Variants in STRN4 observed in about 807,000 individuals in gnomAD.
The protein encoded by STRN4 is striatin 4, also known as striatin-4.
In STRN4, 27 loss-of-function variants were observed where a neutral mutation model predicts 77.9. The observed-to-expected ratio is 0.35, with a 90% CI of 0.26 to 0.48. The LOEUF is 0.48. Ranked by LOEUF, STRN4 falls within the 20% of genes least tolerant of loss-of-function variation. STRN4 has a pLI of 0.99. For synonymous variants in STRN4, 466 were observed against 443.1 expected (o/e 1.05, Z -0.65); for missense variants, 798 against 1,049.7 (o/e 0.76, Z 3.31).
intron 11 of STRN4, 45 bp downstream of exon 11, chr19:46,725,287 T>G (rs1344871844): frequency 1.2e-5 from 20 of 1,613,466 alleles, no homozygotes; most frequent in Non-Finnish European, 1.7e-5. Flanking sequence ...GGAGTCAGGC[T>G]GCATTTAGGA....
At chr19:46,729,047 A>T (rs1413016592) in intron 6 of STRN4, among the ~76,000 whole-genome samples, 1 of 152,218 alleles carries the variant, frequency 6.6e-6, no homozygotes, top group Non-Finnish European at 1.5e-5. Context: ...GCCTCGGATG[A>T]AGAAAAGTCA....
chr19:46,730,055 G>A (rs2122288501), intron 6 of STRN4, among the ~76,000 whole-genome samples: 1 of 152,352 alleles, frequency 6.6e-6, no homozygotes, highest in African/African-American at 2.4e-5. Flanking sequence ...GATTCCTGAT[G>A]GAATGGGTGG....
At chr19:46,742,641 C>A (rs2054494320) in intron 1 of STRN4, among the ~76,000 whole-genome samples, 1 of 152,094 alleles carries the variant, frequency 6.6e-6, no homozygotes, top group Admixed American at 6.6e-5. Flanking sequence ...CGGCTCACTG[C>A]AACTTCTGCT....
intron 5 of STRN4, chr19:46,732,785 G>C: frequency 4.1e-6 from 2 of 488,394 alleles, no homozygotes; most frequent in Non-Finnish European, 7.3e-6. Context: ...CCGAGAAGCG[G>C]GCAGGCCTGA....
chr19:46,724,734 G>A (rs1434314928), intron 12 of STRN4, 73 bp downstream of exon 12: 14 of 1,603,848 alleles, frequency 8.7e-6, no homozygotes, highest in Non-Finnish European at 1.2e-5. Flanking sequence ...AGGTGGACGC[G>A]ACGTGTGTGT....
intron 1 of STRN4, among the ~76,000 whole-genome samples, chr19:46,742,830 G>C (rs2054498105): frequency 6.6e-6 from 1 of 152,160 alleles, no homozygotes; most frequent in South Asian, 2.1e-4. Flanking sequence ...CAAAGTGCTG[G>C]GATTACAGGC....
chr19:46,735,888 C>T (rs1037430422), intron 4 of STRN4, among the ~76,000 whole-genome samples: 2 of 151,398 alleles, frequency 1.3e-5, no homozygotes, highest in African/African-American at 4.9e-5. Context: ...CGCTTGAACC[C>T]GGGAGGCAGA....
At chr19:46,722,773 T>G in intron 14 of STRN4, 37 bp downstream of exon 14, 1 of 1,609,886 alleles carries the variant, frequency 6.2e-7, no homozygotes, top group Middle Eastern at 1.7e-4. Context: ...CAGAAGACAC[T>G]GAGACCAATT....
In STRN4 at chr19:46,746,393, G is replaced by A; in HGVS notation, c.38C>T (p.Ala13Val). The A allele has an allele frequency of 1.8e-6, 2 of 1,085,510 alleles. No homozygotes were observed. Among genetic ancestry groups the A allele is most frequent in the African/African-American group, 3.4e-5 (2 of 59,214 alleles). The allele number at this position is 1,085,510 out of a possible 1,614,324, so 67.2% of individuals were successfully genotyped here. A position where few individuals can be genotyped will look rare whatever the true frequency, so the allele number is the denominator to read the frequency against. The change falls in exon 1 of 18, where the codon GCC becomes GTC. Residue 13 changes from alanine to valine, a missense_variant. Around this residue, in one of 2 missense-constraint regions of STRN4, gnomAD observed 511 missense variants for 575.9 expected, o/e 0.89. Transcript: ENST00000263280. ...EERAAAAVAA[A>V]ASSCRPLGSG... ...GCCGAGCGGACGGCAGGAGGAGGCG[G>A]CGGCGGCGACCGCGGCGGCCGCTCG...
intron 9 of STRN4, chr19:46,726,323 C>G (rs2054112663): frequency 6.6e-6 from 1 of 152,280 alleles, no homozygotes; most frequent in Non-Finnish European, 1.5e-5. Flanking sequence ...TCCTGCCACC[C>G]CTGAGAGGCT....
rs570784765 is a variant in STRN4, at chr19:46,722,906, C to T, written c.1810G>A (p.Ala604Thr). The T allele has an allele frequency of 1.9e-6, 3 of 1,614,006 alleles. No homozygotes were observed. The highest frequency in any genetic ancestry group is 2.5e-6 in the Non-Finnish European group (3 of 1,180,032). Residue 604 changes from alanine (A) to threonine (T), a missense_variant, in exon 14 of 18, where the codon GCC becomes ACC. Ala to Thr is a moderately conservative substitution (Grantham distance 58, BLOSUM62 0). Transcript: ENST00000263280. ...GAGCGGAAGGAGGCCACGATGTGGG[C>T]AGGCTCGGTGCTGGTGAAGGCCACT... ...TSVAFTSTEP[A>T]HIVASFRSGD...
chr19:46,732,296 C>T (rs1568399071), intron 5 of STRN4: 1 of 152,570 alleles, frequency 6.6e-6, no homozygotes, highest in Non-Finnish European at 1.5e-5. Flanking sequence ...ATTATGTCAC[C>T]CCGCTGCTCG....
intron 9 of STRN4, among the ~76,000 whole-genome samples, chr19:46,726,483 CAAAAA>C (rs35238185): frequency 2.2e-5 from 3 of 134,272 alleles, no homozygotes; most frequent in Non-Finnish European, 4.8e-5. Context: ...CCTCAAGGAG[CAAAAA>C]AAAAAAAAAA....
intron 5 of STRN4, 25 bp from the exon 6 acceptor site, chr19:46,730,898 A>T: frequency 6.2e-7 from 1 of 1,607,546 alleles, no homozygotes; most frequent in Admixed American, 1.7e-5. Flanking sequence ...AGAGCAGAGG[A>T]GGCATGAGTC....
Position 46,723,354 on chromosome 19 carries a change from C to G in STRN4, c.1595-70G>C. ...GCTCCTCCCTGGACAGCCCAGAGCC[C>G]CAGCTCTGCCAAGCCCCAGGCAGCT... is the stretch of plus-strand genomic sequence containing the variant. On this transcript the variant is annotated intron_variant, in intron 12 of 17. Transcript: ENST00000263280. The surrounding 1 kb of genome is among the most constrained non-coding windows in gnomAD (Gnocchi z 5.5). The G allele has an allele frequency of 6.8e-7, 1 of 1,465,510 alleles. No individual in the cohort carries two copies. The allele number at this position is 1,465,510 out of a possible 1,614,324, so 90.8% of individuals were successfully genotyped here. A position where few individuals can be genotyped will look rare whatever the true frequency, so the allele number is the denominator to read the frequency against.
At chr19:46,734,622 A>G (rs1329981888) in intron 4 of STRN4, among the ~76,000 whole-genome samples, 5 of 152,212 alleles carry the variant, frequency 3.3e-5, no homozygotes, top group Non-Finnish European at 7.4e-5. Flanking sequence ...GAGGTCTTCA[A>G]AGTGATGCAA....
At chr19:46,725,882 G>C in intron 9 of STRN4, 1 of 567,896 alleles carries the variant, frequency 1.8e-6, no homozygotes, top group South Asian at 2.2e-5. Context: ...AGGTGAGCCT[G>C]ACCCCTTGGG....
At chr19:46,722,380 A>G (rs1253483118) in intron 14 of STRN4, 40 bp from the exon 15 acceptor site, 1 of 1,592,964 alleles carries the variant, frequency 6.3e-7, no homozygotes, top group Non-Finnish European at 8.6e-7. Context: ...TGTCAAGCAG[A>G]AAATCAGGAA....
At position 46,738,920 on chromosome 19, in the gene STRN4, A is replaced by G. The variant is rs762456668; in HGVS notation, c.283-32T>C. ...GGGCAGACAGGAGGCAAAGGGAGAT[A>G]ATGGGGCTCAGGCTCAATGCCGGTG... On this transcript the variant is annotated intron_variant, in intron 1 of 17. Transcript: ENST00000263280. This position sits in a 1 kb window ranked among gnomAD's most constrained non-coding sequence, Gnocchi z 4.5. 1.3e-6 allele frequency: 2 copies of G among 1,588,542 alleles called. No homozygotes were observed. The highest frequency in any genetic ancestry group is 2.2e-5 in the South Asian group (2 of 90,622).
Sources: allele counts gnomAD v4.1 joint callset (sites outside exome capture counted in the v4.1 genomes callset), GRCh38; gene constraint gnomAD v4.1.1; regional missense constraint gnomAD v4.1.1; non-coding constraint Gnocchi (gnomAD v3.1); transcripts MANE v1.5; gene names NCBI Gene and HGNC (gene_info 2026-07-23, HGNC 2026-07-21).